LOC400499: variants seen among roughly 807,000 people sequenced by gnomAD.
the LOC400499 span, among the ~76,000 whole-genome samples, chr16:11,441,332 G>A: frequency 5.3e-5 from 8 of 152,222 alleles, no homozygotes; most frequent in Admixed American, 5.2e-4. Flanking sequence ...CTCAAAGAAA[G>A]TGCCTTGGGA....
the LOC400499 span, among the ~76,000 whole-genome samples, chr16:11,454,549 AAGCC>A: frequency 6.6e-6 from 1 of 152,238 alleles, no homozygotes; most frequent in Non-Finnish European, 1.5e-5. Flanking sequence ...ATGCGGCTGT[AAGCC>A]AAGGAACACC....
At chr16:11,373,446 G>T in the LOC400499 span, among the ~76,000 whole-genome samples, 1 of 152,184 alleles carries the variant, frequency 6.6e-6, no homozygotes, top group East Asian at 1.9e-4. Context: ...CGATTCTCCT[G>T]CGTCAGCCTC....
chr16:11,456,901 G>A, the LOC400499 span: 31 of 1,536,076 alleles, frequency 2.0e-5, no homozygotes, highest in Non-Finnish European at 2.6e-5. Flanking sequence ...TCCTTCCACT[G>A]CCCGCCTGCC....
the LOC400499 span, among the ~76,000 whole-genome samples, chr16:11,466,956 CAT>C: frequency 2.0e-5 from 3 of 151,740 alleles, no homozygotes; most frequent in Non-Finnish European, 4.4e-5. Flanking sequence ...CACACACACA[CAT>C]ATATATATTT....
the LOC400499 span, chr16:11,469,274 G>A: frequency 2.5e-6 from 1 of 399,242 alleles, no homozygotes; most frequent in African/African-American, 2.1e-5. Context: ...CAAAACAAGA[G>A]TTTAGAGACA....
At chr16:11,449,493 G>A in the LOC400499 span, among the ~76,000 whole-genome samples, 4 of 152,198 alleles carry the variant, frequency 2.6e-5, no homozygotes, top group Non-Finnish European at 5.9e-5. Flanking sequence ...CCTAGGAAGA[G>A]GTGGGTGTCA....
chr16:11,496,229 G>T, the LOC400499 span, among the ~76,000 whole-genome samples: 2 of 151,980 alleles, frequency 1.3e-5, no homozygotes, highest in Admixed American at 6.6e-5. Flanking sequence ...ACCACGCCTG[G>T]CTAATTTTTG....
At chr16:11,489,227 G>C in the LOC400499 span, among the ~76,000 whole-genome samples, 1 of 152,166 alleles carries the variant, frequency 6.6e-6, no homozygotes, top group Non-Finnish European at 1.5e-5. Flanking sequence ...TTCCTCATCA[G>C]TGAAAATGAG....
chr16:11,387,135 G>A, the LOC400499 span: 33 of 1,232,292 alleles, frequency 2.7e-5, no homozygotes, highest in African/African-American at 6.2e-5. Context: ...GCCAGCAGGC[G>A]GCGTCTGAGC....
At chr16:11,501,347 A>G in the LOC400499 span, among the ~76,000 whole-genome samples, 8 of 151,950 alleles carry the variant, frequency 5.3e-5, no homozygotes, top group Non-Finnish European at 1.2e-4. Flanking sequence ...TCAGCACAAC[A>G]TCAGGACATT....
chr16:11,394,291 G>A, the LOC400499 span, among the ~76,000 whole-genome samples: 2 of 152,226 alleles, frequency 1.3e-5, no homozygotes, highest in Non-Finnish European at 1.5e-5. Flanking sequence ...AGTCTAGAAT[G>A]GGGTGGGAAA....
chr16:11,460,508 T>C, the LOC400499 span: 9 of 1,533,692 alleles, frequency 5.9e-6, no homozygotes, highest in South Asian at 7.2e-5. Flanking sequence ...CTGTGTGCAG[T>C]GGAGCTCGTG....
the LOC400499 span, among the ~76,000 whole-genome samples, chr16:11,384,605 T>C: frequency 6.6e-6 from 1 of 152,176 alleles, no homozygotes; most frequent in Admixed American, 6.5e-5. Flanking sequence ...GCCCTTCCTT[T>C]GTGTTCCTTG....
At chr16:11,488,225 A>G in the LOC400499 span, among the ~76,000 whole-genome samples, 3 of 152,134 alleles carry the variant, frequency 2.0e-5, no homozygotes, top group Admixed American at 6.5e-5. Context: ...TATTAATGGT[A>G]GTGATAGACA....
chr16:11,476,256 G>C, the LOC400499 span, among the ~76,000 whole-genome samples: 1 of 151,896 alleles, frequency 6.6e-6, no homozygotes, highest in Non-Finnish European at 1.5e-5. Context: ...AAAGAATATG[G>C]GTAGGTGGGG....
the LOC400499 span, among the ~76,000 whole-genome samples, chr16:11,504,613 C>G: frequency 6.6e-6 from 1 of 151,906 alleles, no homozygotes; most frequent in Non-Finnish European, 1.5e-5. Flanking sequence ...TCCCCATCAC[C>G]ACCAATAACA....
chr16:11,472,535 G>C, the LOC400499 span: 1 of 152,348 alleles, frequency 6.6e-6, no homozygotes, highest in Non-Finnish European at 1.5e-5. Context: ...ATACTGTGTA[G>C]AACACAGGCT....
chr16:11,425,262 G>T, the LOC400499 span: 1 of 399,034 alleles, frequency 2.5e-6, no homozygotes, highest in East Asian at 3.6e-5. Flanking sequence ...CAGGTTCCTC[G>T]TCTGGGCCTG....
the LOC400499 span, among the ~76,000 whole-genome samples, chr16:11,510,675 C>A: frequency 6.6e-6 from 1 of 151,606 alleles, no homozygotes; most frequent in Non-Finnish European, 1.5e-5. Flanking sequence ...TCCCCAGAGC[C>A]CCGGCAGTGC....
Sources: gnomAD v4.1 joint callset for allele counts (sites outside exome capture counted in the v4.1 genomes callset) on GRCh38, gnomAD v4.1.1 for gene constraint, MANE v1.5 for transcripts.